The following LIN7A variants were observed in gnomAD, a reference collection of about 807,000 sequenced individuals.
The protein encoded by LIN7A is protein lin-7 homolog A.
A neutral mutation model predicts 29.8 loss-of-function variants in LIN7A; 25 were observed. That is an observed-to-expected ratio of 0.84 (90% confidence interval 0.61 to 1.17). The LOEUF is 1.17. LIN7A is among the 50% of genes most tolerant of loss of function. The pLI is 0.00. For synonymous variants in LIN7A, 118 were observed against 107.5 expected (o/e 1.10, Z -0.60); for missense variants, 239 against 287.0 (o/e 0.83, Z 1.21).
intron 1 of LIN7A, among the ~76,000 whole-genome samples, chr12:80,909,573 T>C (rs1378667187): frequency 6.6e-6 from 1 of 152,096 alleles, no homozygotes; most frequent in East Asian, 1.9e-4. Context: ...ATGGCATCTT[T>C]TGCTGTGTCC....
intron 5 of LIN7A, among the ~76,000 whole-genome samples, chr12:80,806,048 A>G (rs1870970497): frequency 6.6e-6 from 1 of 151,876 alleles, no homozygotes; most frequent in South Asian, 2.1e-4. Context: ...ACGGCACTGT[A>G]GCCTGGGTGA....
Position 80,793,087 on chromosome 12 carries a change from A to T in LIN7A, c.*4640T>A, listed in dbSNP as rs1414959846. ...GGTGTCCCCCAAACCACAGATAATG[A>T]TTAGACACATGAACTCTTGTGTCAG... On this transcript the variant is annotated 3_prime_UTR_variant, in exon 6 of 6. Transcript: ENST00000552864. 6.6e-6 allele frequency: 1 copy of T among 152,180 alleles called. No individual in the cohort carries two copies. Among genetic ancestry groups the T allele is most frequent in the East Asian group, 1.9e-4 (1 of 5,194 alleles). 9.4% of individuals were successfully genotyped at this position (152,180 alleles called of 1,614,324 possible).
chr12:80,892,595 G>C lies in LIN7A; in HGVS notation c.83-3226C>G, dbSNP rs140587535. On this transcript the variant is annotated intron_variant, in intron 1 of 5. Transcript: ENST00000552864. The stretch of plus-strand genomic sequence containing the variant: ...ATTGAAATTATCTAGGGTGCATTTA[G>C]AAGTTATTAATGCCTGAGACCTATG... Among the ~76,000 whole-genome samples the C allele has an allele frequency of 8.6e-3, 1,316 of 152,242 alleles. 7 individuals carry two copies. The highest frequency in any genetic ancestry group is 0.013 in the Non-Finnish European group (907 of 68,016).
chr12:80,882,993 G>T (rs897043484), intron 2 of LIN7A, among the ~76,000 whole-genome samples: 2 of 152,014 alleles, frequency 1.3e-5, no homozygotes, highest in Non-Finnish European at 2.9e-5. Flanking sequence ...TATTCTTTCT[G>T]CACTTTTCCA....
chr12:80,865,987 C>T (rs1447893360), intron 2 of LIN7A, among the ~76,000 whole-genome samples: 3 of 151,966 alleles, frequency 2.0e-5, no homozygotes, highest in Non-Finnish European at 4.4e-5. Flanking sequence ...TATTAAAGGG[C>T]CTTAATCAAG....
At chr12:80,921,540 G>A (rs1189851785) in intron 1 of LIN7A, among the ~76,000 whole-genome samples, 1 of 142,562 alleles carries the variant, frequency 7.0e-6, no homozygotes, top group Non-Finnish European at 1.5e-5. Context: ...GAGATCAAGT[G>A]AGCACAAAGG....
intron 2 of LIN7A, among the ~76,000 whole-genome samples, chr12:80,863,764 G>A (rs1243224374): frequency 2.0e-5 from 3 of 151,954 alleles, no homozygotes; most frequent in African/African-American, 7.3e-5. Flanking sequence ...GACATCTCTG[G>A]TCCTCACCCT....
intron 4 of LIN7A, among the ~76,000 whole-genome samples, chr12:80,820,077 C>A (rs1174353178): frequency 6.6e-6 from 1 of 152,168 alleles, no homozygotes; most frequent in Non-Finnish European, 1.5e-5. Flanking sequence ...TCCATTCATA[C>A]AATTGATATG....
chr12:80,800,739 A>G (rs1285831897), intron 5 of LIN7A, among the ~76,000 whole-genome samples: 1 of 152,052 alleles, frequency 6.6e-6, no homozygotes, highest in Middle Eastern at 3.2e-3. Flanking sequence ...AATATTTCCT[A>G]ACTCATTCTA....
At chr12:80,916,622 A>C (rs1399563189) in intron 1 of LIN7A, among the ~76,000 whole-genome samples, 1 of 152,124 alleles carries the variant, frequency 6.6e-6, no homozygotes, top group African/African-American at 2.4e-5. Context: ...AAAACCTAGA[A>C]GAGAGGTTGA....
chr12:80,857,151 T>C (rs931429896), intron 2 of LIN7A, among the ~76,000 whole-genome samples: 2 of 152,202 alleles, frequency 1.3e-5, no homozygotes, highest in African/African-American at 4.8e-5. Context: ...GGGTACCTGC[T>C]TGGAGCCGAT....
At chr12:80,865,867 T>C (rs1409130336) in intron 2 of LIN7A, among the ~76,000 whole-genome samples, 1 of 152,192 alleles carries the variant, frequency 6.6e-6, no homozygotes, top group Non-Finnish European at 1.5e-5. Flanking sequence ...GGATTCACAA[T>C]AAGCTGTCAG....
chr12:80,888,354 T>G (rs1875443149), intron 2 of LIN7A, among the ~76,000 whole-genome samples: 1 of 152,138 alleles, frequency 6.6e-6, no homozygotes, highest in Non-Finnish European at 1.5e-5. Context: ...ACTAGTATTG[T>G]TGAGGCAAAA....
chr12:80,806,952 C>T (rs1044343226), intron 5 of LIN7A, among the ~76,000 whole-genome samples: 9 of 151,606 alleles, frequency 5.9e-5, no homozygotes, highest in African/African-American at 1.9e-4. Flanking sequence ...TCACTTAAAT[C>T]GAACTCTACT....
At chr12:80,934,570 G>C (rs1878104691) in intron 1 of LIN7A, among the ~76,000 whole-genome samples, 4 of 152,204 alleles carry the variant, frequency 2.6e-5, no homozygotes. Context: ...AATTTGGAAA[G>C]CAGTAAATCT....
chr12:80,799,582 G>C (rs1870617072), intron 5 of LIN7A, among the ~76,000 whole-genome samples: 1 of 152,008 alleles, frequency 6.6e-6, no homozygotes, highest in Non-Finnish European at 1.5e-5. Context: ...AAAATCACAA[G>C]AGAAATTTAA....
chr12:80,910,112 A>C (rs1300564738), intron 1 of LIN7A, among the ~76,000 whole-genome samples: 1 of 152,176 alleles, frequency 6.6e-6, no homozygotes, highest in African/African-American at 2.4e-5. Flanking sequence ...ATATTGTGTT[A>C]AATCTGACTC....
rs1172893958 is a variant in LIN7A, at chr12:80,797,607, T to A, written c.*120A>T. On this transcript the variant is annotated 3_prime_UTR_variant, in exon 6 of 6. Coordinates refer to ENST00000552864, the MANE Select transcript of LIN7A (RefSeq NM_004664.4). ...GGTAAAGAATTTATACACCATGTGTTCACAGCTTCTTGACAGGTATAATTA... is the reference window on the plus strand; with the variant it reads ...GGTAAAGAATTTATACACCATGTGTACACAGCTTCTTGACAGGTATAATTA... 6.6e-6 allele frequency: 1 copy of A among 152,630 alleles called. No homozygotes were observed. The highest frequency in any genetic ancestry group is 2.4e-5 in the African/African-American group (1 of 41,452). 9.5% of individuals were successfully genotyped at this position (152,630 alleles called of 1,614,324 possible). A position where few individuals can be genotyped will look rare whatever the true frequency, so the allele number is the denominator to read the frequency against.
intron 4 of LIN7A, among the ~76,000 whole-genome samples, chr12:80,828,450 A>T (rs901476451): frequency 6.6e-6 from 1 of 152,198 alleles, no homozygotes; most frequent in Non-Finnish European, 1.5e-5. Context: ...TAACCAAGAA[A>T]GCAAGTCATA....
Sources: gnomAD v4.1 joint callset for allele counts (sites outside exome capture counted in the v4.1 genomes callset) on GRCh38, gnomAD v4.1.1 for gene constraint, MANE v1.5 for transcripts, NCBI Gene and HGNC (gene_info 2026-07-23, HGNC 2026-07-21) for gene names.